The following MECOM variants were observed in gnomAD, a reference collection of about 807,000 sequenced individuals.
MECOM encodes the protein MDS1 and EVI1 complex locus.
MECOM carries 13 observed loss-of-function variants against 116.3 expected under a neutral mutation model. The observed-to-expected ratio is 0.11, with a 90% CI of 0.07 to 0.18. The LOEUF is 0.18. MECOM is among the 10% of genes least tolerant of loss of function. The pLI is 1.00. For synonymous variants in MECOM, 528 were observed against 535.2 expected (o/e 0.99, Z 0.19); for missense variants, 1,299 against 1,509.0 (o/e 0.86, Z 2.31).
intron 5 of MECOM, among the ~76,000 whole-genome samples, chr3:169,126,048 A>G (rs1732705024): frequency 6.6e-6 from 1 of 152,140 alleles, no homozygotes; most frequent in Admixed American, 6.6e-5. Flanking sequence ...ATTCAATTGC[A>G]TAGTGACATG....
chr3:169,143,298 C>G (rs1478589161), intron 3 of MECOM, among the ~76,000 whole-genome samples: 8 of 151,842 alleles, frequency 5.3e-5, no homozygotes, highest in Admixed American at 5.2e-4. Context: ...TCAAATAAAA[C>G]CTATATAACA....
chr3:169,112,738 A>T, intron 9 of MECOM, 49 bp downstream of exon 9: 1 of 1,405,884 alleles, frequency 7.1e-7, no homozygotes, highest in East Asian at 2.3e-5. Flanking sequence ...GCTTTTCAGG[A>T]TCAACAAGTT....
rs57991445 is a variant in MECOM, at chr3:169,279,459, AG to A, written c.375+101727del. On this transcript the variant is annotated intron_variant, in intron 2 of 16. Coordinates refer to ENST00000651503, the MANE Select transcript of MECOM (RefSeq NM_004991.4). ...TTACAAATGAGGGGAGGAAAAGAGG[AG>A]GGAAAGCGGGTAAGTAGGTAGTAGT... 2.0e-5 allele frequency among the ~76,000 whole-genome samples: 3 copies of A among 152,302 alleles called. No individual in the cohort carries two copies. The East Asian group carries it at 5.8e-4, about 29-fold the overall frequency.
intron 2 of MECOM, among the ~76,000 whole-genome samples, chr3:169,287,017 T>C (rs1240197183): frequency 6.6e-6 from 1 of 152,222 alleles, no homozygotes; most frequent in Non-Finnish European, 1.5e-5. Context: ...CAACATTCCT[T>C]GTACTCGGTG....
intron 9 of MECOM, among the ~76,000 whole-genome samples, chr3:169,108,480 A>G (rs764427606): frequency 4.6e-5 from 7 of 152,188 alleles, no homozygotes; most frequent in Non-Finnish European, 1.0e-4. Flanking sequence ...ACAGTTAAGA[A>G]CGTTAATGGA....
At chr3:169,631,752 A>AT (rs1462684560) in intron 1 of MECOM, among the ~76,000 whole-genome samples, 1 of 151,610 alleles carries the variant, frequency 6.6e-6, no homozygotes, top group Admixed American at 6.6e-5. Flanking sequence ...GAGAATGATG[A>AT]TTTTACATTT....
At chr3:169,146,621 G>A (rs1053338176) in intron 2 of MECOM, 2 of 1,369,010 alleles carry the variant, frequency 1.5e-6, no homozygotes, top group South Asian at 2.3e-5. Context: ...CTGGGGGCGG[G>A]GGGCGCCCGT....
intron 1 of MECOM, among the ~76,000 whole-genome samples, chr3:169,527,950 C>T (rs1758151627): frequency 6.6e-6 from 1 of 152,158 alleles, no homozygotes; most frequent in Admixed American, 6.5e-5. Context: ...GATGTGCATA[C>T]TTAGGCGTGT....
At chr3:169,529,629 G>A (rs1182705407) in intron 1 of MECOM, among the ~76,000 whole-genome samples, 1 of 152,194 alleles carries the variant, frequency 6.6e-6, no homozygotes, top group Non-Finnish European at 1.5e-5. Flanking sequence ...CCAAATCACA[G>A]CAACGAAGAA....
intron 1 of MECOM, among the ~76,000 whole-genome samples, chr3:169,473,586 C>T (rs1918977): frequency 1 from 152,105 of 152,112 alleles, 76,049 homozygotes; most frequent in Middle Eastern, 1. Flanking sequence ...CTGGCCAACA[C>T]AGTGAAACCC....
chr3:169,228,534 G>A (rs1356029363), intron 2 of MECOM, among the ~76,000 whole-genome samples: 1 of 152,136 alleles, frequency 6.6e-6, no homozygotes, highest in East Asian at 1.9e-4. Flanking sequence ...TTTCAAGAAA[G>A]TAGTGTATTA....
At chr3:169,569,256 C>T (rs554073593) in intron 1 of MECOM, among the ~76,000 whole-genome samples, 3 of 152,066 alleles carry the variant, frequency 2.0e-5, no homozygotes, top group Admixed American at 1.3e-4. Context: ...AAGGGCATTA[C>T]ATAATGGTAA....
chr3:169,585,120 T>A (rs997409720), intron 1 of MECOM, among the ~76,000 whole-genome samples: 2 of 152,212 alleles, frequency 1.3e-5, no homozygotes, highest in South Asian at 4.1e-4. Flanking sequence ...CAATAGAGGT[T>A]ATGGATTAGA....
chr3:169,208,869 G>T (rs1053362151), intron 2 of MECOM, among the ~76,000 whole-genome samples: 1 of 148,962 alleles, frequency 6.7e-6, no homozygotes, highest in Non-Finnish European at 1.5e-5. Context: ...CCAAAAAAGA[G>T]CCTGTATAGC....
intron 1 of MECOM, among the ~76,000 whole-genome samples, chr3:169,615,224 G>T (rs1577119504): frequency 6.6e-6 from 1 of 152,128 alleles, no homozygotes; most frequent in African/African-American, 2.4e-5. Flanking sequence ...TACCCACCAC[G>T]TTCATGTCTC....
At chr3:169,217,785 A>G (rs963483034) in intron 2 of MECOM, among the ~76,000 whole-genome samples, 7 of 151,322 alleles carry the variant, frequency 4.6e-5, no homozygotes, top group Non-Finnish European at 1.0e-4. Flanking sequence ...CTCCATCTCA[A>G]AAAACTATAT....
intron 1 of MECOM, among the ~76,000 whole-genome samples, chr3:169,498,098 G>A (rs1403060240): frequency 1.3e-5 from 2 of 152,012 alleles, no homozygotes; most frequent in Non-Finnish European, 1.5e-5. Flanking sequence ...TTTAATCCAA[G>A]GAGCTTTGAA....
intron 1 of MECOM, chr3:169,447,809 A>G (rs904984009): frequency 6.6e-6 from 1 of 152,268 alleles, no homozygotes; most frequent in Non-Finnish European, 1.5e-5. Context: ...AAGACAGTTG[A>G]GTGGAAGGAA....
At position 169,270,407 on chromosome 3, in the gene MECOM, A is replaced by G. The variant is rs566207194; in HGVS notation, c.375+110780T>C. The stretch of plus-strand genomic sequence containing the variant: ...TGTATCTATCTATCTATCTATATAT[A>G]CTTATATGCAATTTATAATATTTAT... On this transcript the variant is annotated intron_variant, in intron 2 of 16. Coordinates refer to ENST00000651503, the MANE Select transcript of MECOM (RefSeq NM_004991.4). Among the ~76,000 whole-genome samples the G allele has an allele frequency of 1.4e-4, 21 of 152,190 alleles. No homozygotes were observed. In the South Asian group the frequency reaches 4.3e-3, roughly 31 times the overall value.
Sources: gnomAD v4.1 joint callset for allele counts (sites outside exome capture counted in the v4.1 genomes callset) on GRCh38, gnomAD v4.1.1 for gene constraint, MANE v1.5 for transcripts, NCBI Gene and HGNC (gene_info 2026-07-23, HGNC 2026-07-21) for gene names.